The following PCCA variants were observed in gnomAD, a reference collection of about 807,000 sequenced individuals.
PCCA encodes propionyl-CoA carboxylase subunit alpha, also known as propionyl-CoA carboxylase alpha chain, mitochondrial.
Under a neutral mutation model 101.3 loss-of-function variants are expected in PCCA, and 74 were observed. The ratio of observed to expected loss-of-function variants is 0.73; its 90% CI spans 0.61 to 0.89. PCCA has a LOEUF of 0.89. PCCA is among the 40% of genes least tolerant of loss of function. PCCA has a pLI of 0.00. For synonymous variants in PCCA, 294 were observed against 313.6 expected (o/e 0.94, Z 0.66); for missense variants, 891 against 907.0 (o/e 0.98, Z 0.23).
At chr13:100,499,885 G>A (rs1277368545) in intron 21 of PCCA, among the ~76,000 whole-genome samples, 1 of 150,332 alleles carries the variant, frequency 6.7e-6, no homozygotes, top group African/African-American at 2.4e-5. Flanking sequence ...ACTTTTTTTG[G>A]AGGTGCTAGC....
intron 6 of PCCA, among the ~76,000 whole-genome samples, chr13:100,201,428 T>C (rs2058481806): frequency 6.6e-6 from 1 of 152,204 alleles, no homozygotes; most frequent in Non-Finnish European, 1.5e-5. Context: ...ACAGACAGTG[T>C]AAACTATGAG....
At chr13:100,225,185 A>G (rs756193613) in intron 7 of PCCA, among the ~76,000 whole-genome samples, 10 of 152,236 alleles carry the variant, frequency 6.6e-5, no homozygotes, top group Non-Finnish European at 1.5e-4. Context: ...ATTGTATGCA[A>G]CAAAGTAGAT....
At chr13:100,331,484 C>G (rs1369292133) in intron 17 of PCCA, among the ~76,000 whole-genome samples, 1 of 152,104 alleles carries the variant, frequency 6.6e-6, no homozygotes, top group African/African-American at 2.4e-5. Flanking sequence ...AGATTCAGGT[C>G]AAGTTGATGT....
intron 4 of PCCA, among the ~76,000 whole-genome samples, chr13:100,142,213 C>T (rs1398137053): frequency 6.6e-6 from 1 of 151,978 alleles, no homozygotes; most frequent in African/African-American, 2.4e-5. Flanking sequence ...TACTCTTTTA[C>T]ACAAAAGAGG....
chr13:100,389,098 A>G (rs9582387), intron 19 of PCCA, among the ~76,000 whole-genome samples: 4,871 of 152,254 alleles, frequency 0.032, 241 homozygotes, highest in African/African-American at 0.11. Flanking sequence ...CAAGGATGAA[A>G]GCTGTGTCAG....
chr13:100,483,602 T>C (rs541602025), intron 21 of PCCA, among the ~76,000 whole-genome samples: 53 of 152,344 alleles, frequency 3.5e-4, no homozygotes, highest in African/African-American at 7.0e-4. Flanking sequence ...GATGAGGCTC[T>C]TACTGGTATA....
chr13:100,304,991 C>T (rs1200404334), intron 14 of PCCA, among the ~76,000 whole-genome samples: 4 of 152,102 alleles, frequency 2.6e-5, no homozygotes, highest in African/African-American at 7.2e-5. Context: ...GTTCTGATTT[C>T]ATTTGAATTT....
At chr13:100,413,445 G>C (rs3783169) in intron 19 of PCCA, among the ~76,000 whole-genome samples, 26,251 of 152,130 alleles carry the variant, frequency 0.17, 2,646 homozygotes, top group Middle Eastern at 0.29. Flanking sequence ...ATGAAATTAA[G>C]AGAATAAATA....
intron 19 of PCCA, among the ~76,000 whole-genome samples, chr13:100,381,572 T>C (rs1285524767): frequency 1.3e-5 from 2 of 152,234 alleles, no homozygotes; most frequent in Non-Finnish European, 2.9e-5. Flanking sequence ...ATCTTGAATA[T>C]TTATATAAGT....
At chr13:100,323,908 A>G (rs1287469666) in intron 16 of PCCA, among the ~76,000 whole-genome samples, 1 of 152,218 alleles carries the variant, frequency 6.6e-6, no homozygotes, top group Non-Finnish European at 1.5e-5. Context: ...AAGGTAAGGG[A>G]TAGACCTGGT....
chr13:100,111,458 G>A (rs1404737923), intron 2 of PCCA, among the ~76,000 whole-genome samples: 1 of 152,018 alleles, frequency 6.6e-6, no homozygotes, highest in Non-Finnish European at 1.5e-5. Context: ...ACTGCACCCG[G>A]GCTTGACCAA....
At chr13:100,235,443 C>CTG in intron 7 of PCCA, among the ~76,000 whole-genome samples, 1 of 152,240 alleles carries the variant, frequency 6.6e-6, no homozygotes, top group African/African-American at 2.4e-5. Flanking sequence ...ACTCCCCCTG[C>CTG]TGACAGAATC....
chr13:100,340,984 T>C (rs2071222856), intron 18 of PCCA, among the ~76,000 whole-genome samples: 1 of 152,098 alleles, frequency 6.6e-6, no homozygotes, highest in Non-Finnish European at 1.5e-5. Flanking sequence ...AAAGCACAAA[T>C]CAGAAACTGA....
At chr13:100,202,873 A>G (rs1265673915) in intron 6 of PCCA, among the ~76,000 whole-genome samples, 3 of 151,546 alleles carry the variant, frequency 2.0e-5, no homozygotes, top group African/African-American at 4.9e-5. Context: ...TTTCATTTCT[A>G]GTTGTATCCT....
intron 4 of PCCA, among the ~76,000 whole-genome samples, chr13:100,123,645 A>G (rs1203393515): frequency 6.6e-6 from 1 of 151,954 alleles, no homozygotes; most frequent in Non-Finnish European, 1.5e-5. Context: ...GGGGGGATTG[A>G]CAAAGAGTAA....
chr13:100,256,739 T>C (rs2062099471), intron 8 of PCCA, among the ~76,000 whole-genome samples: 1 of 152,166 alleles, frequency 6.6e-6, no homozygotes, highest in African/African-American at 2.4e-5. Flanking sequence ...CTCACTGAGC[T>C]CTTTTTTCTT....
intron 2 of PCCA, 24 bp from the exon 3 acceptor site, chr13:100,111,817 T>C: frequency 1.3e-6 from 2 of 1,549,958 alleles, no homozygotes; most frequent in Non-Finnish European, 1.8e-6. Context: ...CAATTTCTAA[T>C]GAATGTGTTT....
At chr13:100,319,668 G>C (rs1407354752) in intron 16 of PCCA, among the ~76,000 whole-genome samples, 7 of 152,152 alleles carry the variant, frequency 4.6e-5, no homozygotes, top group African/African-American at 1.7e-4. Flanking sequence ...TTATTTCTGA[G>C]GGCTCTGTTC....
chr13:100,155,175 AGG>A, intron 5 of PCCA, 83 bp downstream of exon 5: 6 of 898,346 alleles, frequency 6.7e-6, no homozygotes, highest in Non-Finnish European at 9.1e-6. Flanking sequence ...AAAAAAAAAT[AGG>A]AAAGAATGAT....
Sources: gnomAD v4.1 joint callset for allele counts (sites outside exome capture counted in the v4.1 genomes callset) on GRCh38, gnomAD v4.1.1 for gene constraint, MANE v1.5 for transcripts, NCBI Gene and HGNC (gene_info 2026-07-23, HGNC 2026-07-21) for gene names.